The following CSNK1E variants were observed in gnomAD, a reference collection of about 807,000 sequenced individuals.
The protein encoded by CSNK1E is casein kinase 1 epsilon.
Under a neutral mutation model 46.1 loss-of-function variants are expected in CSNK1E, and 17 were observed. The ratio of observed to expected loss-of-function variants is 0.37; its 90% confidence interval spans 0.25 to 0.55. CSNK1E has a LOEUF of 0.55. Among genes scored for constraint, CSNK1E ranks in the 20% least tolerant of loss-of-function variants. The pLI is 0.82. For synonymous variants in CSNK1E, 241 were observed against 242.6 expected (o/e 0.99, Z 0.06); for missense variants, 386 against 595.4 (o/e 0.65, Z 3.66).
At position 38,294,795 on chromosome 22, in the gene CSNK1E, G is replaced by A. The variant is rs2092631159; in HGVS notation, c.886-261C>T. Among the ~76,000 whole-genome samples, 1 of 152,190 alleles carries A rather than the reference G, an allele frequency of 6.6e-6. No individual in the cohort carries two copies. Among genetic ancestry groups the A allele is most frequent in the African/African-American group, 2.4e-5 (1 of 41,442 alleles). ...CAGTCTGCCCTGCTCTCCTGGGATG[G>A]AGCCAGAGAAAGGACAACTAATGCG... On this transcript the variant is annotated intron_variant, in intron 7 of 10. Coordinates refer to ENST00000396832, the MANE Select transcript of CSNK1E (RefSeq NM_152221.3). This position sits in a 1 kb window ranked among gnomAD's most constrained non-coding sequence, Gnocchi z 5.5.
upstream of CSNK1E, chr22:38,317,447 C>T (rs1346542067): frequency 2.1e-5 from 3 of 140,478 alleles, no homozygotes; most frequent in East Asian, 6.7e-4. Context: ...CCGCGCGCGC[C>T]CGCCGGCTCC....
rs369785894 is a variant in CSNK1E at position 38,304,156 on chromosome 22, G to A, written c.77-908C>T. ...GTGTCTCCTTCCTGGGGCCAGCAGC[G>A]AGCCCAGCAGGAGGAGTAGGACAGT... On this transcript the variant is annotated intron_variant, in intron 2 of 10. Coordinates refer to ENST00000396832, the MANE Select transcript of CSNK1E (RefSeq NM_152221.3). Among the ~76,000 whole-genome samples, 5 of 152,258 alleles carry A rather than the reference G, an allele frequency of 3.3e-5. No individual in the cohort carries two copies. In the East Asian group the frequency reaches 9.6e-4, roughly 29 times the overall value.
chr22:38,295,704 C>A (rs1173893520), intron 7 of CSNK1E, among the ~76,000 whole-genome samples: 1 of 152,222 alleles, frequency 6.6e-6, no homozygotes, highest in Non-Finnish European at 1.5e-5. Flanking sequence ...CAGGCCTCTG[C>A]CACCTAGTCC....
Position 38,298,112 on chromosome 22 carries a change from G to T in CSNK1E, c.885+674C>A, listed in dbSNP as rs1209777209. The T allele has an allele frequency of 7.9e-7, 1 of 1,273,800 alleles. No homozygotes were observed. The highest frequency in any genetic ancestry group is 1.0e-6 in the Non-Finnish European group (1 of 973,848). 78.9% of individuals were successfully genotyped at this position (1,273,800 alleles called of 1,614,324 possible). A position where few individuals can be genotyped will look rare whatever the true frequency, so the allele number is the denominator to read the frequency against. On this transcript the variant is annotated intron_variant, in intron 7 of 10. Coordinates refer to ENST00000396832, the MANE Select transcript of CSNK1E (RefSeq NM_152221.3). This position sits in a 1 kb window ranked among gnomAD's most constrained non-coding sequence, Gnocchi z 4.2. ...TCCTTACCAGTACGTGGGTGAGTAC[G>T]TGGGCCCAGCACAGGGACAGGGGCG...
intron 2 of CSNK1E, among the ~76,000 whole-genome samples, chr22:38,305,320 A>T (rs1305549436): frequency 6.6e-6 from 1 of 151,990 alleles, no homozygotes; most frequent in East Asian, 1.9e-4. Context: ...CATCCACTCA[A>T]CGTTTAATAA....
At chr22:38,296,603 G>A in intron 7 of CSNK1E, 1 of 1,612,876 alleles carries the variant, frequency 6.2e-7, no homozygotes, top group Non-Finnish European at 8.5e-7. Flanking sequence ...CCTCTGCCCA[G>A]CTTCTAACTC....
Position 38,294,945 on chromosome 22 carries a change from G to C in CSNK1E, c.886-411C>G, listed in dbSNP as rs1325823548. Among the ~76,000 whole-genome samples, 1 of 152,214 alleles carries C rather than the reference G, an allele frequency of 6.6e-6. No homozygotes were observed. Among genetic ancestry groups the C allele is most frequent in the Non-Finnish European group, 1.5e-5 (1 of 68,034 alleles). On this transcript the variant is annotated intron_variant, in intron 7 of 10. Coordinates refer to ENST00000396832, the MANE Select transcript of CSNK1E (RefSeq NM_152221.3). This position sits in a 1 kb window ranked among gnomAD's most constrained non-coding sequence, Gnocchi z 5.5. ...CTAAACCGAGCAGGAAAGCTGTTTA[G>C]AGGCCTCTAGCAGACTGGCTAGGGG...
upstream of CSNK1E, chr22:38,317,840 A>G (rs1370027081): frequency 6.6e-6 from 1 of 152,182 alleles, no homozygotes. Context: ...CGACACTGCA[A>G]AAGATGTTAG....
chr22:38,293,404 G>C, intron 9 of CSNK1E, 85 bp from the exon 10 acceptor site: 2 of 866,466 alleles, frequency 2.3e-6, no homozygotes. Context: ...GCTGGCGATA[G>C]AGATTTGGCA....
intron 2 of CSNK1E, among the ~76,000 whole-genome samples, chr22:38,311,804 C>T (rs1031988523): frequency 1.3e-5 from 2 of 148,990 alleles, no homozygotes; most frequent in African/African-American, 5.0e-5. Context: ...CCTTTTCTTT[C>T]CTTCTTTTTT....
At chr22:38,313,637 CCCAAAG>C (rs1281957817) in intron 2 of CSNK1E, among the ~76,000 whole-genome samples, 2 of 152,212 alleles carry the variant, frequency 1.3e-5, no homozygotes, top group African/African-American at 4.8e-5. Context: ...CCTGCGTCAT[CCCAAAG>C]CCTGCCTGGG....
chr22:38,301,060 G>A (rs1241936467), intron 4 of CSNK1E, 108 bp from the exon 5 acceptor site: 16 of 887,572 alleles, frequency 1.8e-5, no homozygotes, highest in African/African-American at 5.0e-5. Context: ...AGAAAGGCCT[G>A]CCTTCGACCA....
At chr22:38,314,982 G>A (rs967258453) in intron 1 of CSNK1E, among the ~76,000 whole-genome samples, 1 of 152,190 alleles carries the variant, frequency 6.6e-6, no homozygotes, top group Non-Finnish European at 1.5e-5. Flanking sequence ...TGGAGGCAGT[G>A]CTGCCGTGGG....
chr22:38,304,957 A>T (rs2092691274), intron 2 of CSNK1E, among the ~76,000 whole-genome samples: 1 of 151,916 alleles, frequency 6.6e-6, no homozygotes, highest in Non-Finnish European at 1.5e-5. Flanking sequence ...CCCTGTCTGT[A>T]CCAAAAATAC....
At chr22:38,297,224 G>A (rs199701821) in intron 7 of CSNK1E, 16 of 746,618 alleles carry the variant, frequency 2.1e-5, no homozygotes, top group Admixed American at 3.7e-5. Flanking sequence ...CGAACCAGAC[G>A]TGGGAGTGAC....
In CSNK1E at chr22:38,298,323, C is replaced by G; in HGVS notation, c.885+463G>C. The G allele has an allele frequency of 1.5e-6, 1 of 674,066 alleles. No individual in the cohort carries two copies. The highest frequency in any genetic ancestry group is 2.2e-6 in the Non-Finnish European group (1 of 461,976). 41.8% of individuals were successfully genotyped at this position (674,066 alleles called of 1,614,324 possible). A position where few individuals can be genotyped will look rare whatever the true frequency, so the allele number is the denominator to read the frequency against. On this transcript the variant is annotated intron_variant, in intron 7 of 10. Coordinates refer to ENST00000396832, the MANE Select transcript of CSNK1E (RefSeq NM_152221.3). The surrounding 1 kb of genome is among the most constrained non-coding windows in gnomAD (Gnocchi z 4.2). ...CCCTGGGACTCTTAAAAGAGGGAAA[C>G]AGAACAACTGCCTAGCCAGACCCAG...
chr22:38,300,962 AG>A lies in CSNK1E; in HGVS notation c.337-11del. 1 of 1,607,450 alleles carries A rather than the reference AG, an allele frequency of 6.2e-7. No individual in the cohort carries two copies. Among genetic ancestry groups the A allele is most frequent in the Non-Finnish European group, 8.5e-7 (1 of 1,174,616 alleles). ...ACTCGATGCGGCTGATCTGGGGAGGAGGGGGGCCATTTGTTCAACAGAGGGG... is the reference window on the plus strand; with the variant it reads ...ACTCGATGCGGCTGATCTGGGGAGGAGGGGGCCATTTGTTCAACAGAGGGG... On this transcript the variant is annotated splice_polypyrimidine_tract_variant and intron_variant, in intron 4 of 10. Transcript: ENST00000396832. This position sits in a 1 kb window ranked among gnomAD's most constrained non-coding sequence, Gnocchi z 4.4.
intron 4 of CSNK1E, 27 bp downstream of exon 4, chr22:38,302,834 C>T (rs1229417056): frequency 1.2e-6 from 2 of 1,612,418 alleles, no homozygotes; most frequent in African/African-American, 2.7e-5. Context: ...AGGCATCTGG[C>T]TGGGGATGGA....
intron 2 of CSNK1E, among the ~76,000 whole-genome samples, chr22:38,311,332 G>A (rs2092719982): frequency 6.6e-6 from 1 of 152,230 alleles, no homozygotes; most frequent in Admixed American, 6.5e-5. Context: ...TCTAGAGCCA[G>A]TACAAAGAGG....
Sources: gnomAD v4.1 joint callset for allele counts (sites outside exome capture counted in the v4.1 genomes callset) on GRCh38, gnomAD v4.1.1 for gene constraint, Gnocchi (gnomAD v3.1) non-coding constraint, MANE v1.5 for transcripts, NCBI Gene and HGNC (gene_info 2026-07-23, HGNC 2026-07-21) for gene names.